The following RNGTT variants were observed in gnomAD, a reference collection of about 807,000 sequenced individuals.
RNGTT encodes the protein RNA guanylyltransferase and 5'-phosphatase, also known as mRNA-capping enzyme.
In RNGTT, 33 loss-of-function variants were observed where a neutral mutation model predicts 79.3. The ratio of observed to expected loss-of-function variants is 0.42; its 90% CI spans 0.32 to 0.56. RNGTT has a LOEUF of 0.56. Ranked by LOEUF, RNGTT falls within the 20% of genes least tolerant of loss-of-function variation. The pLI is 0.17. For missense variants in RNGTT, 497 were observed against 739.1 expected (o/e 0.67, Z 3.80); for synonymous variants, 222 against 235.9 (o/e 0.94, Z 0.54).
At chr6:88,669,842 T>C (rs909324775) in intron 14 of RNGTT, among the ~76,000 whole-genome samples, 1 of 152,126 alleles carries the variant, frequency 6.6e-6, no homozygotes, top group African/African-American at 2.4e-5. Flanking sequence ...CCATAGGCAA[T>C]TGGAAAGATG....
At chr6:88,901,729 G>A (rs895032009) in intron 6 of RNGTT, among the ~76,000 whole-genome samples, 2 of 151,800 alleles carry the variant, frequency 1.3e-5, no homozygotes, top group South Asian at 2.1e-4. Flanking sequence ...GGCTGGTCTC[G>A]AACTCCTGAC....
chr6:88,693,524 T>C (rs1314635364), intron 13 of RNGTT, among the ~76,000 whole-genome samples: 1 of 147,504 alleles, frequency 6.8e-6, no homozygotes, highest in African/African-American at 2.7e-5. Flanking sequence ...CAGGCTGATT[T>C]TGACCAAACA....
rs370304484 is a variant in RNGTT at position 88,791,768 on chromosome 6, T to A, written c.1338+9796A>T. Among the ~76,000 whole-genome samples the A allele has an allele frequency of 5.8e-4, 88 of 152,086 alleles. 1 individual carries two copies. In the East Asian group the frequency reaches 0.011, roughly 19 times the overall value. On this transcript the variant is annotated intron_variant, in intron 12 of 15. Transcript: ENST00000369485. ...GTTAGCCAGGATGGTCTCGATCTCC[T>A]GACCTCGTGATCCGCCCGCCTTGGC...
intron 6 of RNGTT, among the ~76,000 whole-genome samples, chr6:88,898,154 C>A (rs1783316512): frequency 6.6e-6 from 1 of 152,166 alleles, no homozygotes; most frequent in Admixed American, 6.5e-5. Flanking sequence ...GAACCCCTAA[C>A]ACAACTCAGT....
chr6:88,934,267 A>G (rs1032283728), intron 2 of RNGTT, among the ~76,000 whole-genome samples: 1 of 152,200 alleles, frequency 6.6e-6, no homozygotes, highest in African/African-American at 2.4e-5. Flanking sequence ...CCTGGCCTCA[A>G]GTAATCCTCC....
chr6:88,827,346 G>A (rs1053834102), intron 11 of RNGTT, among the ~76,000 whole-genome samples: 1 of 152,142 alleles, frequency 6.6e-6, no homozygotes, highest in Non-Finnish European at 1.5e-5. Flanking sequence ...ATGAGGGACA[G>A]TGCACTCAGG....
intron 11 of RNGTT, among the ~76,000 whole-genome samples, chr6:88,836,242 A>AT (rs1322366336): frequency 6.6e-6 from 1 of 151,206 alleles, no homozygotes; most frequent in African/African-American, 2.4e-5. Context: ...ATATATATAT[A>AT]TAATTGATGA....
intron 14 of RNGTT, among the ~76,000 whole-genome samples, chr6:88,642,571 T>C (rs1773364799): frequency 6.6e-6 from 1 of 152,148 alleles, no homozygotes; most frequent in African/African-American, 2.4e-5. Context: ...CATTCTCAAA[T>C]GTAAGTCAGC....
rs550758979 is a variant in RNGTT, at chr6:88,667,376, T to C, written c.1506+10977A>G. ...TGAAAAGTTGTTAGGCTGGCACTTC[T>C]ACATTTCATGTCTTGTCGGCCCTTG... On this transcript the variant is annotated intron_variant, in intron 14 of 15. Transcript: ENST00000369485. 2.0e-5 allele frequency among the ~76,000 whole-genome samples: 3 copies of C among 152,366 alleles called. No individual in the cohort carries two copies. The South Asian group carries it at 6.2e-4, about 32-fold the overall frequency.
chr6:88,735,001 G>C (rs1777237461), intron 13 of RNGTT, among the ~76,000 whole-genome samples: 2 of 152,092 alleles, frequency 1.3e-5, no homozygotes, highest in African/African-American at 4.8e-5. Flanking sequence ...ATATTGGGAA[G>C]TAACCCCACC....
At position 88,755,176 on chromosome 6, in the gene RNGTT, A is replaced by C. The variant is rs569571202; in HGVS notation, c.1439+14598T>G. On this transcript the variant is annotated intron_variant, in intron 13 of 15. Transcript: ENST00000369485. ...GATTTGCCTGTCTGGAAAAAGGAAG[A>C]CGTTAGCAGTTAGGCAAAAAATTCA... 5.9e-5 allele frequency among the ~76,000 whole-genome samples: 9 copies of C among 152,294 alleles called. No homozygotes were observed. In the South Asian group the frequency reaches 1.7e-3, roughly 28 times the overall value.
At chr6:88,804,414 C>T (rs1156367491) in intron 11 of RNGTT, among the ~76,000 whole-genome samples, 4 of 152,126 alleles carry the variant, frequency 2.6e-5, no homozygotes, top group Admixed American at 1.3e-4. Context: ...GAGGCTGAGG[C>T]AGGGGACTGC....
At chr6:88,777,746 T>C (rs1418504104) in intron 12 of RNGTT, among the ~76,000 whole-genome samples, 2 of 152,226 alleles carry the variant, frequency 1.3e-5, no homozygotes, top group Non-Finnish European at 2.9e-5. Context: ...CAAACAGAGA[T>C]AATTCTACTA....
intron 13 of RNGTT, among the ~76,000 whole-genome samples, chr6:88,684,493 G>A (rs936267130): frequency 6.6e-6 from 1 of 152,114 alleles, no homozygotes; most frequent in Non-Finnish European, 1.5e-5. Flanking sequence ...AGATGTCCTT[G>A]AATAGGTGAA....
intron 4 of RNGTT, among the ~76,000 whole-genome samples, chr6:88,908,996 A>G (rs752800590): frequency 6.6e-6 from 1 of 152,140 alleles, no homozygotes; most frequent in Non-Finnish European, 1.5e-5. Flanking sequence ...ACTCAAGCAC[A>G]CTGCCCAGGG....
At chr6:88,765,979 G>A (rs1300665812) in intron 13 of RNGTT, among the ~76,000 whole-genome samples, 1 of 152,170 alleles carries the variant, frequency 6.6e-6, no homozygotes, top group East Asian at 1.9e-4. Context: ...AGTGCAGCAA[G>A]TAACAGGTAG....
At chr6:88,819,543 T>C (rs1780433786) in intron 11 of RNGTT, among the ~76,000 whole-genome samples, 1 of 152,320 alleles carries the variant, frequency 6.6e-6, no homozygotes, top group South Asian at 2.1e-4. Context: ...TCCTAATCCT[T>C]TGGCATCATA....
At chr6:88,924,169 G>A (rs1784248248) in intron 4 of RNGTT, among the ~76,000 whole-genome samples, 2 of 152,238 alleles carry the variant, frequency 1.3e-5, no homozygotes, top group Admixed American at 1.3e-4. Flanking sequence ...GTTCAACCCA[G>A]AACTGAACTG....
chr6:88,879,062 C>T (rs1332690121), intron 8 of RNGTT, among the ~76,000 whole-genome samples: 1 of 152,114 alleles, frequency 6.6e-6, no homozygotes, highest in Non-Finnish European at 1.5e-5. Context: ...GGGACCCAAG[C>T]AAGCTATTAA....
Sources: allele counts gnomAD v4.1 joint callset (sites outside exome capture counted in the v4.1 genomes callset), GRCh38; gene constraint gnomAD v4.1.1; transcripts MANE v1.5; gene names NCBI Gene and HGNC (gene_info 2026-07-23, HGNC 2026-07-21).